PTPN5: variants seen among roughly 807,000 people sequenced by gnomAD.
PTPN5 encodes tyrosine-protein phosphatase non-receptor type 5.
A neutral mutation model predicts 73.9 loss-of-function variants in PTPN5; 29 were observed. That is an observed-to-expected ratio of 0.39 (90% CI 0.29 to 0.54). The LOEUF is 0.54. Ranked by LOEUF, PTPN5 falls within the 20% of genes least tolerant of loss-of-function variation. The pLI is 0.65. For synonymous variants in PTPN5, 267 were observed against 304.7 expected (o/e 0.88, Z 1.29); for missense variants, 652 against 751.4 (o/e 0.87, Z 1.55).
intron 3 of PTPN5, among the ~76,000 whole-genome samples, chr11:18,765,053 A>G (rs1250837332): frequency 2.6e-5 from 4 of 152,224 alleles, no homozygotes; most frequent in African/African-American, 9.7e-5. Context: ...AAGGAGAGAT[A>G]TGAAAATATA....
chr11:18,749,155 C>T lies in PTPN5; in HGVS notation c.98-4956G>A, dbSNP rs11823063. ...TCAGCCCTGTTTTGTCAGTGAGAGG[C>T]GGCTGCTTGTGTCAAGGGCTGGCTT... is the stretch of plus-strand genomic sequence containing the variant. On this transcript the variant is annotated intron_variant, in intron 3 of 14. Transcript: ENST00000358540. 1.5e-3 allele frequency among the ~76,000 whole-genome samples: 231 copies of T among 152,308 alleles called. 3 individuals carry two copies. Among genetic ancestry groups the T allele is most frequent in the African/African-American group, 5.1e-3 (213 of 41,578 alleles).
Position 18,732,701 on chromosome 11 carries a change from T to A in PTPN5, c.1220A>T (p.Lys407Ile). The change falls in exon 12 of 15, where the codon AAA becomes ATA. Residue 407 changes from lysine to isoleucine, a missense_variant and splice_region_variant. Around this residue, in one of 3 missense-constraint regions of PTPN5, gnomAD observed 529 missense variants for 573.9 expected, o/e 0.92. Coordinates refer to ENST00000358540, the MANE Select transcript of PTPN5 (RefSeq NM_006906.2). ...MITNIEEMNEKCTEYWPEEQV... is the reference protein window; with the variant it reads ...MITNIEEMNEICTEYWPEEQV... ...CTCCTCCGGCCAATACTCGGTGCAT[T>A]TCTGCAGGGGCCCAGATCAGGCTGC... 1 of 1,613,106 alleles carries A rather than the reference T, an allele frequency of 6.2e-7. No homozygotes were observed. Among genetic ancestry groups the A allele is most frequent in the Non-Finnish European group, 8.5e-7 (1 of 1,179,502 alleles).
Position 18,791,713 on chromosome 11 carries a change from G to C in PTPN5, c.-302C>G, listed in dbSNP as rs886848960. The C allele has an allele frequency of 1.3e-5, 2 of 152,252 alleles. No individual in the cohort carries two copies. Among genetic ancestry groups the C allele is most frequent in the African/African-American group, 4.8e-5 (2 of 41,430 alleles). The allele number at this position is 152,252 out of a possible 1,614,324, so 9.4% of individuals were successfully genotyped here. ...CCGTCCTTCGGTGCCTCCGTCCTTCGGTCCGTCCGCCTGGCGCTCCGTCCC... is the reference window on the plus strand; with the variant it reads ...CCGTCCTTCGGTGCCTCCGTCCTTCCGTCCGTCCGCCTGGCGCTCCGTCCC... On this transcript the variant is annotated 5_prime_UTR_variant, in exon 1 of 15. Transcript: ENST00000358540.
rs1051502332 is a variant in PTPN5 at position 18,746,668 on chromosome 11, T to C, written c.98-2469A>G. Among the ~76,000 whole-genome samples the C allele has an allele frequency of 5.3e-5, 8 of 152,254 alleles. 1 individual carries two copies. The highest frequency in any genetic ancestry group is 6.8e-3 in the Middle Eastern group (2 of 294). ...AAAGACATGTTTACAATACAGTGCA[T>C]TAAGCAATAAATCTAAGTGCCAATG... is the stretch of plus-strand genomic sequence containing the variant. On this transcript the variant is annotated intron_variant, in intron 3 of 14. Coordinates refer to ENST00000358540, the MANE Select transcript of PTPN5 (RefSeq NM_006906.2).
At chr11:18,782,881 C>T (rs1210845906) in intron 1 of PTPN5, among the ~76,000 whole-genome samples, 1 of 152,210 alleles carries the variant, frequency 6.6e-6, no homozygotes, top group African/African-American at 2.4e-5. Flanking sequence ...AGAACTCTCC[C>T]ACCCAAAGGC....
chr11:18,776,915 A>G (rs1445760063), intron 1 of PTPN5, among the ~76,000 whole-genome samples: 1 of 152,192 alleles, frequency 6.6e-6, no homozygotes, highest in Admixed American at 6.5e-5. Context: ...TAATCCCAGA[A>G]CTTTGGGAGG....
chr11:18,756,644 C>T (rs1367688385), intron 3 of PTPN5, among the ~76,000 whole-genome samples: 7 of 151,456 alleles, frequency 4.6e-5, no homozygotes, highest in South Asian at 2.1e-4. Context: ...CAGCACCGGC[C>T]GGGCGCGGTG....
chr11:18,756,790 G>T (rs1489321508), intron 3 of PTPN5, among the ~76,000 whole-genome samples: 2 of 151,906 alleles, frequency 1.3e-5, no homozygotes, highest in Non-Finnish European at 2.9e-5. Flanking sequence ...CGGGTTTGGT[G>T]GCGTATGCCT....
In PTPN5 at chr11:18,733,553, T is replaced by C; in HGVS notation, c.1080+3A>G. Reference sequence around the variant, plus strand: ...AAGAGGCCGTCAGGGTGGGAATACGTACCCGGATGTAGTTGGCATTGATGT... The same window carrying C: ...AAGAGGCCGTCAGGGTGGGAATACGCACCCGGATGTAGTTGGCATTGATGT... On this transcript the variant is annotated splice_donor_region_variant and intron_variant, in intron 10 of 14. Transcript: ENST00000358540. This position sits in a 1 kb window ranked among gnomAD's most constrained non-coding sequence, Gnocchi z 4.3. The C allele has an allele frequency of 3.7e-6, 6 of 1,614,050 alleles. No individual in the cohort carries two copies. The highest frequency in any genetic ancestry group is 5.1e-6 in the Non-Finnish European group (6 of 1,179,904).
intron 3 of PTPN5, among the ~76,000 whole-genome samples, chr11:18,758,386 G>A (rs1482120680): frequency 6.6e-6 from 1 of 152,214 alleles, no homozygotes; most frequent in Non-Finnish European, 1.5e-5. Context: ...ATCATGCTGT[G>A]AGGAAGCCCA....
chr11:18,761,454 C>T (rs1204223846), intron 3 of PTPN5, among the ~76,000 whole-genome samples: 1 of 151,992 alleles, frequency 6.6e-6, no homozygotes. Flanking sequence ...TTTGAATGTA[C>T]CAAAGTGTTT....
rs774674789 is a variant in PTPN5 at position 18,729,892 on chromosome 11, A to G, written c.1330-74T>C. 36 of 1,582,594 alleles carry G rather than the reference A, an allele frequency of 2.3e-5. No homozygotes were observed. Among genetic ancestry groups the G allele is most frequent in the Non-Finnish European group, 2.8e-5 (32 of 1,151,834 alleles). On this transcript the variant is annotated intron_variant, in intron 12 of 14. Transcript: ENST00000358540. The surrounding 1 kb of genome is among the most constrained non-coding windows in gnomAD (Gnocchi z 5.2). ...CTCACAAACCAGCCCAGAGATAGAG[A>G]TGAGATGGAAGGAGGAAGAACACAG...
At chr11:18,792,026 C>T (rs1190979644), upstream of PTPN5, 1 of 152,344 alleles carries the variant, frequency 6.6e-6, no homozygotes, top group African/African-American at 2.4e-5. Context: ...TCTCCGCAGT[C>T]GTCGCCCCCA....
At chr11:18,757,322 C>G (rs1850201721) in intron 3 of PTPN5, among the ~76,000 whole-genome samples, 1 of 152,186 alleles carries the variant, frequency 6.6e-6, no homozygotes, top group South Asian at 2.1e-4. Flanking sequence ...AAAGGCAATG[C>G]CCAATACAAG....
intron 2 of PTPN5, among the ~76,000 whole-genome samples, chr11:18,770,589 A>G (rs1434574679): frequency 6.6e-6 from 1 of 152,218 alleles, no homozygotes; most frequent in Admixed American, 6.5e-5. Flanking sequence ...ATTTGTGAGT[A>G]GTGCTCCTGT....
At chr11:18,750,710 C>T (rs1308322603) in intron 3 of PTPN5, among the ~76,000 whole-genome samples, 1 of 152,166 alleles carries the variant, frequency 6.6e-6, no homozygotes, top group East Asian at 1.9e-4. Context: ...CAGCTTGGAG[C>T]CAGGTACATT....
In PTPN5 at chr11:18,775,263, T is replaced by C. The variant is rs867982661; in HGVS notation, c.-113-3192A>G. Among the ~76,000 whole-genome samples, 4 of 152,318 alleles carry C rather than the reference T, an allele frequency of 2.6e-5. No homozygotes were observed. The South Asian group carries it at 8.3e-4, about 32-fold the overall frequency. ...AAGAAAAAATATTCCGCAAATACAATAGGAAGAGACAGCATATCATGGCAG... is the reference window on the plus strand; with the variant it reads ...AAGAAAAAATATTCCGCAAATACAACAGGAAGAGACAGCATATCATGGCAG... On this transcript the variant is annotated intron_variant, in intron 1 of 14. Transcript: ENST00000358540.
At chr11:18,791,927 T>C (rs1466257743), upstream of PTPN5, 1 of 152,050 alleles carries the variant, frequency 6.6e-6, no homozygotes, top group East Asian at 2.0e-4. Context: ...AGCGGCCTGC[T>C]CCCGGGGCAC....
chr11:18,752,043 C>G (rs992636985), intron 3 of PTPN5, among the ~76,000 whole-genome samples: 3 of 152,096 alleles, frequency 2.0e-5, no homozygotes, highest in Admixed American at 6.5e-5. Flanking sequence ...CCAGCCTGGC[C>G]AATATGGTAA....
Sources: allele counts gnomAD v4.1 joint callset (sites outside exome capture counted in the v4.1 genomes callset), GRCh38; gene constraint gnomAD v4.1.1; regional missense constraint gnomAD v4.1.1; non-coding constraint Gnocchi (gnomAD v3.1); transcripts MANE v1.5; gene names NCBI Gene and HGNC (gene_info 2026-07-23, HGNC 2026-07-21).